Variants in PLCB1 observed in about 807,000 individuals in gnomAD.
PLCB1 encodes the protein 1-phosphatidylinositol 4,5-bisphosphate phosphodiesterase beta-1.
PLCB1 carries 46 observed loss-of-function variants against 161.8 expected under a neutral mutation model. That is an observed-to-expected ratio of 0.28 (90% CI 0.22 to 0.36). The LOEUF is 0.36. PLCB1 is among the 10% of genes least tolerant of loss of function. The pLI, the probability that PLCB1 is intolerant of heterozygous loss-of-function variation, is 1.00. For missense variants in PLCB1, 1,016 were observed against 1,472.5 expected, an observed-to-expected ratio of 0.69 and a Z score of 5.07; for synonymous variants, 517 against 503.7, an observed-to-expected ratio of 1.03 and a Z score of -0.35.
intron 3 of PLCB1, among the ~76,000 whole-genome samples, chr20:8,446,231 CT>C (rs1241543635): frequency 1.3e-5 from 2 of 152,180 alleles, no homozygotes; most frequent in African/African-American, 4.8e-5. Context: ...GGCTTCATCC[CT>C]GGGATGCAAG....
chr20:8,745,820 A>G (rs779471224), intron 23 of PLCB1, among the ~76,000 whole-genome samples: 4 of 152,224 alleles, frequency 2.6e-5, no homozygotes, highest in Non-Finnish European at 5.9e-5. Context: ...GTCACGTAGA[A>G]AAATATAAAA....
At chr20:8,840,257 G>C (rs1466246399) in intron 31 of PLCB1, among the ~76,000 whole-genome samples, 1 of 152,114 alleles carries the variant, frequency 6.6e-6, no homozygotes, top group Non-Finnish European at 1.5e-5. Flanking sequence ...GCATAGCCCT[G>C]CGCCTCAGTC....
intron 3 of PLCB1, among the ~76,000 whole-genome samples, chr20:8,541,018 C>T (rs1005395929): frequency 7.2e-5 from 11 of 152,252 alleles, no homozygotes; most frequent in African/African-American, 2.6e-4. Context: ...AAAGTAAAGG[C>T]ATACAGAAGC....
At chr20:8,279,585 TG>T (rs987594518) in intron 2 of PLCB1, among the ~76,000 whole-genome samples, 3 of 152,178 alleles carry the variant, frequency 2.0e-5, no homozygotes, top group African/African-American at 7.2e-5. Context: ...ATGCTTAAAA[TG>T]GTTAAAACTG....
chr20:8,668,725 C>T (rs1451222064), intron 9 of PLCB1, among the ~76,000 whole-genome samples: 13 of 152,200 alleles, frequency 8.5e-5, no homozygotes, highest in Admixed American at 8.5e-4. Context: ...TTCCAGCCTG[C>T]ACCACATAAA....
intron 2 of PLCB1, among the ~76,000 whole-genome samples, chr20:8,185,942 A>G (rs1474190719): frequency 6.6e-6 from 1 of 152,174 alleles, no homozygotes; most frequent in Middle Eastern, 3.2e-3. Context: ...GTGTGTATCA[A>G]TTCTCCCTTG....
intron 11 of PLCB1, among the ~76,000 whole-genome samples, chr20:8,705,659 T>C (rs1258803499): frequency 2.0e-5 from 3 of 152,210 alleles, no homozygotes; most frequent in Non-Finnish European, 4.4e-5. Flanking sequence ...CAGTAAATCA[T>C]GCTTTAATGT....
chr20:8,793,929 C>T (rs1394859042), intron 31 of PLCB1, among the ~76,000 whole-genome samples: 1 of 152,130 alleles, frequency 6.6e-6, no homozygotes, highest in African/African-American at 2.4e-5. Flanking sequence ...AGTTTAGAGA[C>T]CCACCCGCAG....
At chr20:8,211,637 G>C (rs1469930150) in intron 2 of PLCB1, among the ~76,000 whole-genome samples, 1 of 152,116 alleles carries the variant, frequency 6.6e-6, no homozygotes, top group African/African-American at 2.4e-5. Context: ...GATGAAGTAA[G>C]ATAGGAACAT....
chr20:8,305,985 T>A (rs564573706), intron 2 of PLCB1: 1 of 152,280 alleles, frequency 6.6e-6, no homozygotes, highest in East Asian at 1.9e-4. Context: ...CAGCAGCAGA[T>A]GGTGGGCTAG....
chr20:8,371,313 G>A, intron 2 of PLCB1, 69 bp from the exon 3 acceptor site: 1 of 1,012,422 alleles, frequency 9.9e-7, no homozygotes, highest in Admixed American at 2.2e-5. Flanking sequence ...TTTAAGTGAT[G>A]TCAATGACAT....
At chr20:8,766,637 T>G (rs73083916) in intron 26 of PLCB1, among the ~76,000 whole-genome samples, 5,214 of 152,288 alleles carry the variant, frequency 0.034, 107 homozygotes, top group Middle Eastern at 0.051. Context: ...TGCAATAAGA[T>G]TCTACTGAAG....
intron 3 of PLCB1, among the ~76,000 whole-genome samples, chr20:8,375,943 CAAAA>C (rs34790517): frequency 8.6e-5 from 8 of 93,060 alleles, no homozygotes; most frequent in African/African-American, 3.1e-4. Context: ...CCAAGTGAAC[CAAAA>C]AAAAAAAAAA....
chr20:8,402,144 G>A (rs186264364), intron 3 of PLCB1, among the ~76,000 whole-genome samples: 4 of 152,068 alleles, frequency 2.6e-5, no homozygotes, highest in Admixed American at 2.0e-4. Context: ...GTATAGTCCT[G>A]CTTTATCAAG....
At chr20:8,781,376 C>T (rs1012665831) in intron 27 of PLCB1, among the ~76,000 whole-genome samples, 3 of 149,638 alleles carry the variant, frequency 2.0e-5, no homozygotes, top group African/African-American at 7.4e-5. Flanking sequence ...GATTATTACC[C>T]CAGTGGGATT....
chr20:8,497,676 G>A (rs1184225196), intron 3 of PLCB1, among the ~76,000 whole-genome samples: 1 of 152,060 alleles, frequency 6.6e-6, no homozygotes. Context: ...TTGACTTACT[G>A]ATGATTTAAA....
chr20:8,384,801 G>T (rs559276473), intron 3 of PLCB1, among the ~76,000 whole-genome samples: 1 of 152,264 alleles, frequency 6.6e-6, no homozygotes, highest in African/African-American at 2.4e-5. Flanking sequence ...GGCTGCTGCA[G>T]TTTGCTGGGG....
intron 3 of PLCB1, among the ~76,000 whole-genome samples, chr20:8,562,185 G>A (rs562317533): frequency 1.3e-5 from 2 of 151,992 alleles, no homozygotes; most frequent in African/African-American, 2.4e-5. Context: ...CTTTAGCCTC[G>A]TTTCTTTACA....
intron 3 of PLCB1, among the ~76,000 whole-genome samples, chr20:8,516,454 A>G (rs1984117614): frequency 1.3e-5 from 2 of 152,112 alleles, no homozygotes; most frequent in African/African-American, 4.8e-5. Flanking sequence ...CTCCTATGGA[A>G]GTGAACAGAA....
Sources: allele counts gnomAD v4.1 joint callset (sites outside exome capture counted in the v4.1 genomes callset), GRCh38; gene constraint gnomAD v4.1.1; transcripts MANE v1.5; gene names NCBI Gene and HGNC (gene_info 2026-07-23, HGNC 2026-07-21).